MAGI3: variants seen among roughly 807,000 people sequenced by gnomAD.
MAGI3 encodes membrane-associated guanylate kinase, WW and PDZ domain-containing protein 3.
MAGI3 carries 43 observed loss-of-function variants against 121.8 expected under a neutral mutation model. The observed-to-expected ratio is 0.35, with a 90% CI of 0.28 to 0.46. The LOEUF is 0.46. Ranked by LOEUF, MAGI3 falls within the 20% of genes least tolerant of loss-of-function variation. MAGI3 has a pLI of 1.00. For missense variants in MAGI3, 1,547 were observed against 1,797.3 expected (o/e 0.86, Z 2.52); for synonymous variants, 553 against 639.3 (o/e 0.86, Z 2.04).
chr1:113,490,635 C>G (rs1252707052), intron 1 of MAGI3, among the ~76,000 whole-genome samples: 1 of 152,154 alleles, frequency 6.6e-6, no homozygotes, highest in Non-Finnish European at 1.5e-5. Context: ...AGACCAGTCT[C>G]ACACGGAGTG....
intron 1 of MAGI3, among the ~76,000 whole-genome samples, chr1:113,526,110 T>C (rs1658437273): frequency 6.6e-6 from 1 of 152,242 alleles, no homozygotes; most frequent in Admixed American, 6.5e-5. Flanking sequence ...TGAAAAAGGC[T>C]TTAAAAATAT....
chr1:113,585,411 C>A lies in MAGI3; in HGVS notation c.578C>A (p.Pro193His). ...YDGNFYGTPK[P>H]PAEPSPFQPD... ...GGAAACTTCTATGGAACTCCCAAGC[C>A]TCCAGCAGAACCCAGCCCTTTTCAG... Residue 193 changes from proline to histidine, a missense_variant, in exon 4 of 21, where the codon CCT becomes CAT. By Grantham distance (77) the Pro-to-His change is moderately conservative. Transcript: ENST00000307546. The A allele has an allele frequency of 1.2e-6, 2 of 1,614,036 alleles. No homozygotes were observed. The highest frequency in any genetic ancestry group is 1.7e-6 in the Non-Finnish European group (2 of 1,179,948).
At chr1:113,542,426 A>G (rs548439385) in intron 1 of MAGI3, among the ~76,000 whole-genome samples, 19 of 152,316 alleles carry the variant, frequency 1.2e-4, no homozygotes, top group African/African-American at 4.3e-4. Context: ...TCCATTTAAT[A>G]CTTTCAGACC....
intron 1 of MAGI3, among the ~76,000 whole-genome samples, chr1:113,441,321 C>T (rs1261709491): frequency 6.6e-6 from 1 of 152,162 alleles, no homozygotes; most frequent in Non-Finnish European, 1.5e-5. Context: ...TCTGCCTTCT[C>T]ACCCTGTTGA....
chr1:113,665,039 G>T (rs1260713381), intron 16 of MAGI3, among the ~76,000 whole-genome samples: 2 of 151,808 alleles, frequency 1.3e-5, no homozygotes, highest in Non-Finnish European at 2.9e-5. Context: ...AACTCTTGAG[G>T]TTTTATTTAA....
At chr1:113,491,223 A>G (rs1218288669) in intron 1 of MAGI3, among the ~76,000 whole-genome samples, 4 of 152,208 alleles carry the variant, frequency 2.6e-5, no homozygotes, top group African/African-American at 9.6e-5. Flanking sequence ...TAAGAAATTC[A>G]CTCAGAACCA....
At chr1:113,519,076 A>G (rs1008816823) in intron 1 of MAGI3, among the ~76,000 whole-genome samples, 1 of 152,196 alleles carries the variant, frequency 6.6e-6, no homozygotes, top group Non-Finnish European at 1.5e-5. Context: ...AATTCTCTCT[A>G]TGAAAACAGA....
At chr1:113,672,913 G>A (rs1450252776) in intron 18 of MAGI3, among the ~76,000 whole-genome samples, 172 bp downstream of exon 18, 1 of 152,242 alleles carries the variant, frequency 6.6e-6, no homozygotes, top group Non-Finnish European at 1.5e-5. Context: ...AATGTTAGGA[G>A]TGAAAGAAAA....
intron 1 of MAGI3, among the ~76,000 whole-genome samples, chr1:113,491,845 A>G (rs559835953): frequency 6.6e-6 from 1 of 152,284 alleles, no homozygotes; most frequent in African/African-American, 2.4e-5. Context: ...TGAACAGACA[A>G]ATAACAAGCT....
chr1:113,638,023 G>A (rs561737459), intron 9 of MAGI3, among the ~76,000 whole-genome samples: 16 of 152,080 alleles, frequency 1.1e-4, no homozygotes, highest in South Asian at 8.3e-4. Flanking sequence ...TGATCGCATC[G>A]GCTCCTGAGG....
intron 6 of MAGI3, among the ~76,000 whole-genome samples, chr1:113,614,321 G>T (rs924283184): frequency 1.3e-5 from 2 of 152,126 alleles, no homozygotes; most frequent in Non-Finnish European, 2.9e-5. Context: ...AATGAAAGAA[G>T]TACACAGTAA....
rs1647699348 is a variant in MAGI3, at chr1:113,673,718, A to G, written c.3189+253A>G. On this transcript the variant is annotated intron_variant, in intron 19 of 20. Coordinates refer to ENST00000307546, the MANE Select transcript of MAGI3 (RefSeq NM_001142782.2). ...TTTTGCCTTCTTGACCTTGGTCAAT[A>G]AGAAAATTCATTTCTTATTCACATA... Among the ~76,000 whole-genome samples, 3 of 152,234 alleles carry G rather than the reference A, an allele frequency of 2.0e-5. No individual in the cohort carries two copies. The South Asian group carries it at 6.2e-4, about 31-fold the overall frequency.
intron 1 of MAGI3, among the ~76,000 whole-genome samples, chr1:113,408,970 T>C (rs1345193221): frequency 1.3e-5 from 2 of 152,114 alleles, no homozygotes; most frequent in African/African-American, 4.8e-5. Flanking sequence ...TTTAGTGCAG[T>C]AATTTAGACC....
At chr1:113,395,993 A>G (rs1225451377) in intron 1 of MAGI3, among the ~76,000 whole-genome samples, 1 of 152,144 alleles carries the variant, frequency 6.6e-6, no homozygotes, top group African/African-American at 2.4e-5. Flanking sequence ...ATCCTGGCAC[A>G]TACTTTATAA....
chr1:113,437,898 C>T (rs1006788674), intron 1 of MAGI3, among the ~76,000 whole-genome samples: 38 of 4,106 alleles, frequency 9.3e-3, no homozygotes, highest in East Asian at 0.059. Context: ...TTCTCCTTCT[C>T]CTTCTCCTTC....
At chr1:113,449,262 C>G (rs1200033176) in intron 1 of MAGI3, among the ~76,000 whole-genome samples, 1 of 151,910 alleles carries the variant, frequency 6.6e-6, no homozygotes, top group Non-Finnish European at 1.5e-5. Flanking sequence ...AATGACGTCA[C>G]AGTGGAATAG....
At chr1:113,601,672 CAG>C (rs1649393434) in intron 6 of MAGI3, among the ~76,000 whole-genome samples, 1 of 145,946 alleles carries the variant, frequency 6.9e-6, no homozygotes, top group African/African-American at 2.6e-5. Context: ...GGCGATTCCT[CAG>C]GGATCTAGAA....
intron 6 of MAGI3, among the ~76,000 whole-genome samples, chr1:113,600,177 T>C (rs1157539875): frequency 6.6e-6 from 1 of 152,116 alleles, no homozygotes; most frequent in Non-Finnish European, 1.5e-5. Context: ...AGGGGTGCCC[T>C]CTCTCACCAC....
chr1:113,560,832 G>T (rs1452829969), intron 2 of MAGI3, among the ~76,000 whole-genome samples: 2 of 151,758 alleles, frequency 1.3e-5, no homozygotes, highest in African/African-American at 4.8e-5. Context: ...TCTAGGAGCT[G>T]GGTTTTTGAA....
Sources: allele counts gnomAD v4.1 joint callset (sites outside exome capture counted in the v4.1 genomes callset), GRCh38; gene constraint gnomAD v4.1.1; transcripts MANE v1.5; gene names NCBI Gene and HGNC (gene_info 2026-07-23, HGNC 2026-07-21).